ZNF813: variants seen among roughly 807,000 people sequenced by gnomAD.
The protein encoded by ZNF813 is zinc finger protein 813.
A neutral mutation model predicts 7.2 loss-of-function variants in ZNF813; 3 were observed. The ratio of observed to expected loss-of-function variants is 0.42; its 90% CI spans 0.19 to 1.08. ZNF813 has a LOEUF of 1.08. Ranked by LOEUF, ZNF813 falls within the 50% of genes least tolerant of loss-of-function variation. The pLI, the probability that ZNF813 is intolerant of heterozygous loss-of-function variation, is 0.30. For missense variants in ZNF813, 714 were observed against 753.3 expected, an observed-to-expected ratio of 0.95 and a Z score of 0.61; for synonymous variants, 227 against 256.3, an observed-to-expected ratio of 0.89 and a Z score of 1.09.
chr19:53,472,810 C>T (rs573545627), intron 1 of ZNF813, among the ~76,000 whole-genome samples: 2 of 152,050 alleles, frequency 1.3e-5, no homozygotes, highest in African/African-American at 2.4e-5. Flanking sequence ...CGGGGTTGTT[C>T]CATGTTGGTG....
Position 53,492,395 on chromosome 19 carries a change from G to T in ZNF813, c.*309G>T. The T allele has an allele frequency of 2.0e-6, 1 of 491,746 alleles. No homozygotes were observed. 30.5% of individuals were successfully genotyped at this position (491,746 alleles called of 1,614,324 possible). A position where few individuals can be genotyped will look rare whatever the true frequency, so the allele number is the denominator to read the frequency against. On this transcript the variant is annotated 3_prime_UTR_variant, in exon 4 of 4. Transcript: ENST00000396403. Reference sequence around the variant, plus strand: ...GCTTACAAAGGTGAAGAATATCACAGAGTTTTCAGTCACAAGTCAAACCTT... The same window carrying T: ...GCTTACAAAGGTGAAGAATATCACATAGTTTTCAGTCACAAGTCAAACCTT...
At chr19:53,468,641 A>G (rs1410435889) in intron 1 of ZNF813, among the ~76,000 whole-genome samples, 2 of 152,218 alleles carry the variant, frequency 1.3e-5, no homozygotes, top group Admixed American at 6.5e-5. Context: ...TACTGTGCCC[A>G]GATGTGCACG....
chr19:53,471,833 G>A (rs1378358948), intron 1 of ZNF813, among the ~76,000 whole-genome samples: 1 of 145,584 alleles, frequency 6.9e-6, no homozygotes, highest in Non-Finnish European at 1.5e-5. Context: ...AAAAGTGCTA[G>A]GTGCATCGGT....
chr19:53,481,460 C>T (rs967909689), intron 1 of ZNF813, among the ~76,000 whole-genome samples: 1 of 149,584 alleles, frequency 6.7e-6, no homozygotes, highest in African/African-American at 2.5e-5. Flanking sequence ...GATTCTCCTG[C>T]CTCAGCCTCC....
Position 53,491,794 on chromosome 19 carries a change from A to T in ZNF813, c.1562A>T (p.Lys521Ile), listed in dbSNP as rs1252432563. ...CATCATAGACTTCATACTGGAGAGA[A>T]ACCTTACAAGTGTAATGAATGTGGC... ...ACHHRLHTGE[K>I]PYKCNECGKV... Residue 521 changes from lysine to isoleucine, a missense_variant, in exon 4 of 4, where the codon AAA becomes ATA. Coordinates refer to ENST00000396403, the MANE Select transcript of ZNF813 (RefSeq NM_001004301.4). 1 of 1,613,750 alleles carries T rather than the reference A, an allele frequency of 6.2e-7. No individual in the cohort carries two copies. The highest frequency in any genetic ancestry group is 8.5e-7 in the Non-Finnish European group (1 of 1,179,876).
chr19:53,481,114 A>G (rs548345679), intron 1 of ZNF813, among the ~76,000 whole-genome samples: 56 of 152,260 alleles, frequency 3.7e-4, no homozygotes, highest in African/African-American at 1.3e-3. Flanking sequence ...ACTTGAGATC[A>G]TGGGGAACTT....
chr19:53,479,400 G>A lies in ZNF813; in HGVS notation c.-73-4350G>A, dbSNP rs2086396854. On this transcript the variant is annotated intron_variant, in intron 1 of 3. Coordinates refer to ENST00000396403, the MANE Select transcript of ZNF813 (RefSeq NM_001004301.4). ...CAGTGAAGCGCAAGATCCAGGTTCT[G>A]CAGCTGCAGGCAGATGATGAGGAGT... The A allele has an allele frequency of 2.5e-6, 4 of 1,588,144 alleles. No individual in the cohort carries two copies. The African/African-American group carries it at 4.0e-5, about 16-fold the overall frequency.
At chr19:53,487,508 A>C (rs562004420) in intron 3 of ZNF813, among the ~76,000 whole-genome samples, 55 of 152,182 alleles carry the variant, frequency 3.6e-4, no homozygotes, top group African/African-American at 1.3e-3. Flanking sequence ...TCTCCAGCTC[A>C]ACCGATCCTT....
At chr19:53,483,969 T>G (rs993876329) in intron 2 of ZNF813, 132 bp downstream of exon 2, 1 of 1,562,270 alleles carries the variant, frequency 6.4e-7, no homozygotes, top group African/African-American at 1.4e-5. Flanking sequence ...ATGCCTTCCC[T>G]CAGTCCCTCT....
Position 53,493,616 on chromosome 19 carries a change from T to C in ZNF813, c.*1530T>C, listed in dbSNP as rs1600117256. ...ATTGTTTATTGTTAATGTATGGAAA[T>C]TCAGCTAATTTTTGGTGCTGATATT... On this transcript the variant is annotated 3_prime_UTR_variant, in exon 4 of 4. Transcript: ENST00000396403. 1 of 152,334 alleles carries C rather than the reference T, an allele frequency of 6.6e-6. No individual in the cohort carries two copies. 9.4% of individuals were successfully genotyped at this position (152,334 alleles called of 1,614,324 possible).
At position 53,491,804 on chromosome 19, in the gene ZNF813, G is replaced by C; in HGVS notation, c.1572G>C (p.Lys524Asn). 2 of 1,613,744 alleles carry C rather than the reference G, an allele frequency of 1.2e-6. No individual in the cohort carries two copies. Among genetic ancestry groups the C allele is most frequent in the South Asian group, 2.2e-5 (2 of 91,000 alleles). Residue 524 changes from lysine (K) to asparagine (N), a missense_variant, in exon 4 of 4, where the codon AAG (lysine) becomes AAC (asparagine). By Grantham distance (94) the Lys-to-Asn change is moderately conservative (BLOSUM62 0). This residue lies in a region of ZNF813 where 122 missense variants were observed against 146.8 expected (regional missense o/e 0.83). Coordinates refer to ENST00000396403, the MANE Select transcript of ZNF813 (RefSeq NM_001004301.4). ...HRLHTGEKPYKCNECGKVFNR... is the reference protein window; with the variant it reads ...HRLHTGEKPYNCNECGKVFNR... ...TTCATACTGGAGAGAAACCTTACAA[G>C]TGTAATGAATGTGGCAAGGTTTTTA...
intron 1 of ZNF813, chr19:53,480,213 C>T (rs751957036): frequency 1.6e-5 from 12 of 756,170 alleles, no homozygotes; most frequent in East Asian, 5.0e-5. Flanking sequence ...GCTTTCTCCT[C>T]TCACCACCCC....
intron 2 of ZNF813, 133 bp from the exon 3 acceptor site, chr19:53,486,499 G>A (rs1012109222): frequency 1.0e-5 from 16 of 1,540,538 alleles, no homozygotes; most frequent in Non-Finnish European, 1.4e-5. Context: ...ATGTGGTGAA[G>A]AACCCCTTAC....
intron 2 of ZNF813, among the ~76,000 whole-genome samples, chr19:53,484,149 G>T (rs1343037724): frequency 1.3e-5 from 2 of 152,056 alleles, no homozygotes; most frequent in Admixed American, 6.6e-5. Context: ...GCCACATGTG[G>T]ATGCTCTCTC....
chr19:53,474,418 G>A (rs2086372935), intron 1 of ZNF813, among the ~76,000 whole-genome samples: 1 of 152,086 alleles, frequency 6.6e-6, no homozygotes, highest in Non-Finnish European at 1.5e-5. Flanking sequence ...GCCGGGCGCG[G>A]TGGCTCATGC....
chr19:53,492,341 A>C lies in ZNF813; in HGVS notation c.*255A>C. ...TTTACAGTGGCAAATCGAGCCTCAA[A>C]AGACAGGAGAATTCATACTGGAGAG... is the stretch of plus-strand genomic sequence containing the variant. On this transcript the variant is annotated 3_prime_UTR_variant, in exon 4 of 4. Transcript: ENST00000396403. 1.7e-6 allele frequency: 1 copy of C among 598,878 alleles called. No homozygotes were observed. The allele number at this position is 598,878 out of a possible 1,614,324, so 37.1% of individuals were successfully genotyped here. A position where few individuals can be genotyped will look rare whatever the true frequency, so the allele number is the denominator to read the frequency against.
Position 53,491,413 on chromosome 19 carries a change from A to C in ZNF813, c.1181A>C (p.Gln394Pro), listed in dbSNP as rs1313367492. The C allele has an allele frequency of 6.2e-7, 1 of 1,613,822 alleles. No individual in the cohort carries two copies. The highest frequency in any genetic ancestry group is 8.5e-7 in the Non-Finnish European group (1 of 1,179,974). Residue 394 changes from glutamine (Q) to proline (P), a missense_variant, in exon 4 of 4, where the codon CAG becomes CCG. Physicochemically the swap from Gln to Pro is moderately conservative, Grantham distance 76 (BLOSUM62 -1). Around this residue, in one of 3 missense-constraint regions of ZNF813, gnomAD observed 563 missense variants for 554.2 expected, o/e 1.02. Coordinates refer to ENST00000396403, the MANE Select transcript of ZNF813 (RefSeq NM_001004301.4). ...AATGAATGTGGCAAGACCTTCAGTC[A>C]GGAGTTAACCCTTAAATGCCATCGT... is the stretch of plus-strand genomic sequence containing the variant. ...KCNECGKTFSQELTLKCHRRL... is the reference protein window; with the variant it reads ...KCNECGKTFSPELTLKCHRRL...
At chr19:53,470,163 CTTTT>C (rs2086350734) in intron 1 of ZNF813, among the ~76,000 whole-genome samples, 2 of 49,658 alleles carry the variant, frequency 4.0e-5, no homozygotes, top group African/African-American at 1.1e-4. Flanking sequence ...CTTTCTTTTT[CTTTT>C]CTTTTCTTTC....
chr19:53,469,528 T>G (rs1292990651), intron 1 of ZNF813, among the ~76,000 whole-genome samples: 1 of 151,992 alleles, frequency 6.6e-6, no homozygotes, highest in Admixed American at 6.6e-5. Flanking sequence ...GGTGAGGGAT[T>G]TGCCAAGAGA....
Sources: gnomAD v4.1 joint callset for allele counts (sites outside exome capture counted in the v4.1 genomes callset) on GRCh38, gnomAD v4.1.1 for gene constraint, gnomAD v4.1.1 regional missense constraint, MANE v1.5 for transcripts, NCBI Gene and HGNC (gene_info 2026-07-23, HGNC 2026-07-21) for gene names.